Variants in GLRA3 observed in about 807,000 individuals in gnomAD.
GLRA3 encodes the protein glycine receptor alpha 3.
GLRA3 carries 44 observed loss-of-function variants against 60.4 expected under a neutral mutation model. The ratio of observed to expected loss-of-function variants is 0.73; its 90% confidence interval spans 0.57 to 0.94. The LOEUF is 0.94. GLRA3 is among the 40% of genes least tolerant of loss of function. The pLI, the probability that GLRA3 is intolerant of heterozygous loss-of-function variation, is 0.00. For missense variants in GLRA3, 508 were observed against 564.6 expected (o/e 0.90, Z 1.02); for synonymous variants, 223 against 192.9 (o/e 1.16, Z -1.29).
chr4:174,771,294 CT>C (rs1738376884), intron 2 of GLRA3, among the ~76,000 whole-genome samples: 1 of 152,012 alleles, frequency 6.6e-6, no homozygotes, highest in African/African-American at 2.4e-5. Context: ...GAGGTTACAA[CT>C]GTCAGAAGAT....
chr4:174,760,220 C>T lies in GLRA3; in HGVS notation c.267+6743G>A, dbSNP rs1356408389. 2.6e-5 allele frequency among the ~76,000 whole-genome samples: 4 copies of T among 152,110 alleles called. No homozygotes were observed. The South Asian group carries it at 6.2e-4, about 24-fold the overall frequency. ...CTGAATCATTTATTAAAATGCTTAA[C>T]CTCACTGTTTATCAAGGAAGTACAT... is the stretch of plus-strand genomic sequence containing the variant. On this transcript the variant is annotated intron_variant, in intron 3 of 9. Transcript: ENST00000274093.
chr4:174,674,836 G>A (rs576493578), intron 7 of GLRA3, among the ~76,000 whole-genome samples: 31 of 152,024 alleles, frequency 2.0e-4, no homozygotes, highest in Non-Finnish European at 3.2e-4. Flanking sequence ...TAAGGTGCAC[G>A]GTCTCACACA....
intron 3 of GLRA3, among the ~76,000 whole-genome samples, chr4:174,752,234 G>A (rs189718234): frequency 6.6e-6 from 1 of 152,212 alleles, no homozygotes; most frequent in Admixed American, 6.5e-5. Context: ...AGTGATCATT[G>A]AAAGACGGAG....
chr4:174,821,275 G>A (rs927405280), intron 1 of GLRA3, among the ~76,000 whole-genome samples: 3 of 152,138 alleles, frequency 2.0e-5, no homozygotes, highest in Non-Finnish European at 2.9e-5. Flanking sequence ...TACTGCTAAA[G>A]TTCTCTAATG....
In GLRA3 at chr4:174,642,874, G is replaced by A; in HGVS notation, c.*912C>T. ...AAAATGTAAATACTTTAATCCCATT[G>A]AATTTTAAAGTCACATTCTAAACTA... On this transcript the variant is annotated 3_prime_UTR_variant, in exon 10 of 10. Transcript: ENST00000274093. 1.4e-6 allele frequency: 1 copy of A among 703,308 alleles called. No individual in the cohort carries two copies. The highest frequency in any genetic ancestry group is 1.7e-6 in the Non-Finnish European group (1 of 575,228). 43.6% of individuals were successfully genotyped at this position (703,308 alleles called of 1,614,324 possible).
intron 5 of GLRA3, among the ~76,000 whole-genome samples, chr4:174,697,172 C>G (rs933602150): frequency 6.6e-6 from 1 of 152,078 alleles, no homozygotes; most frequent in Non-Finnish European, 1.5e-5. Context: ...TGTGAATACA[C>G]TTAAGTTGAA....
intron 9 of GLRA3, among the ~76,000 whole-genome samples, chr4:174,655,086 A>G (rs977695517): frequency 6.6e-6 from 1 of 152,174 alleles, no homozygotes; most frequent in Non-Finnish European, 1.5e-5. Flanking sequence ...CAGTGAGACT[A>G]TTTTATTTAC....
chr4:174,687,967 A>C (rs991467581), intron 5 of GLRA3, among the ~76,000 whole-genome samples: 3 of 152,074 alleles, frequency 2.0e-5, no homozygotes, highest in African/African-American at 7.2e-5. Flanking sequence ...TTAAGAGACT[A>C]AAAGTTTTTT....
intron 5 of GLRA3, among the ~76,000 whole-genome samples, chr4:174,698,868 A>G (rs1224397488): frequency 6.6e-6 from 1 of 152,214 alleles, no homozygotes; most frequent in Non-Finnish European, 1.5e-5. Flanking sequence ...TTTAATACAC[A>G]GTATAATAAA....
chr4:174,751,820 C>G (rs972272388), intron 3 of GLRA3, among the ~76,000 whole-genome samples: 1 of 151,858 alleles, frequency 6.6e-6, no homozygotes, highest in Admixed American at 6.6e-5. Flanking sequence ...AGAATGCTTA[C>G]CCTTTTTATG....
chr4:174,707,415 T>C (rs1338170180), intron 5 of GLRA3, among the ~76,000 whole-genome samples: 3 of 152,210 alleles, frequency 2.0e-5, no homozygotes, highest in Non-Finnish European at 4.4e-5. Flanking sequence ...TTAGTTGTAG[T>C]ACTCAGATGA....
rs1732526310 is a variant in GLRA3 at position 174,637,578 on chromosome 4, G to C, written c.*6208C>G. Reference sequence around the variant, plus strand: ...CACCCAGGCTGGATACTGTGTATGTGAGCGGGGTTGCCCAAAGGCGCCATT... The same window carrying C: ...CACCCAGGCTGGATACTGTGTATGTCAGCGGGGTTGCCCAAAGGCGCCATT... On this transcript the variant is annotated 3_prime_UTR_variant, in exon 10 of 10. Transcript: ENST00000274093. 1 of 142,228 alleles carries C rather than the reference G, an allele frequency of 7.0e-6. No homozygotes were observed. Among genetic ancestry groups the C allele is most frequent in the Admixed American group, 6.8e-5 (1 of 14,718 alleles). The allele number at this position is 142,228 out of a possible 1,614,324, so 8.8% of individuals were successfully genotyped here.
intron 1 of GLRA3, among the ~76,000 whole-genome samples, chr4:174,814,731 A>C (rs2111379119): frequency 6.6e-6 from 1 of 152,204 alleles, no homozygotes; most frequent in Non-Finnish European, 1.5e-5. Flanking sequence ...AGATTTATTC[A>C]CTGTCACAAG....
chr4:174,718,536 G>A (rs1370553283), intron 4 of GLRA3, among the ~76,000 whole-genome samples: 1 of 152,096 alleles, frequency 6.6e-6, no homozygotes, highest in African/African-American at 2.4e-5. Flanking sequence ...GACCACTTTT[G>A]TACAAGCATT....
chr4:174,666,438 A>AT (rs35145787), intron 7 of GLRA3, among the ~76,000 whole-genome samples: 2,969 of 152,184 alleles, frequency 0.02, 41 homozygotes, highest in Middle Eastern at 0.071. Context: ...GTCCCCCAGC[A>AT]GTAGTAAATA....
At chr4:174,810,457 T>C (rs900976416) in intron 1 of GLRA3, among the ~76,000 whole-genome samples, 1 of 151,564 alleles carries the variant, frequency 6.6e-6, no homozygotes, top group Non-Finnish European at 1.5e-5. Context: ...ATTATATACA[T>C]ATGTATTTAT....
intron 1 of GLRA3, among the ~76,000 whole-genome samples, chr4:174,799,130 C>T (rs1032863041): frequency 1.1e-4 from 17 of 151,994 alleles, no homozygotes; most frequent in Non-Finnish European, 7.4e-5. Context: ...ATAGCTGCTT[C>T]CTGATATCTT....
At chr4:174,693,624 G>A (rs1009720621) in intron 5 of GLRA3, among the ~76,000 whole-genome samples, 2 of 152,058 alleles carry the variant, frequency 1.3e-5, no homozygotes, top group East Asian at 1.9e-4. Flanking sequence ...GATTGCCTTG[G>A]CTATTCAGGC....
chr4:174,826,444 T>C (rs2111411612), intron 1 of GLRA3, among the ~76,000 whole-genome samples: 1 of 152,144 alleles, frequency 6.6e-6, no homozygotes, highest in South Asian at 2.1e-4. Context: ...AGGAAGAGGG[T>C]GGGGTGAGTG....
Sources: allele counts gnomAD v4.1 joint callset (sites outside exome capture counted in the v4.1 genomes callset), GRCh38; gene constraint gnomAD v4.1.1; transcripts MANE v1.5; gene names NCBI Gene and HGNC (gene_info 2026-07-23, HGNC 2026-07-21).